Variants in PFKM observed in about 807,000 individuals in gnomAD.
PFKM encodes ATP-dependent 6-phosphofructokinase, muscle type.
Under a neutral mutation model 95.5 loss-of-function variants are expected in PFKM, and 58 were observed. The ratio of observed to expected loss-of-function variants is 0.61; its 90% CI spans 0.49 to 0.76. The LOEUF (loss-of-function observed/expected upper bound fraction) is 0.76, where lower values mean the gene tolerates loss of function less well. Ranked by LOEUF, PFKM falls within the 30% of genes least tolerant of loss-of-function variation. PFKM has a pLI of 0.00. For synonymous variants in PFKM, 336 were observed against 357.2 expected, an observed-to-expected ratio of 0.94 and a Z score of 0.67; for missense variants, 678 against 1,005.4, an observed-to-expected ratio of 0.67 and a Z score of 4.40.
chr12:48,112,551 A>C (rs1245994857), intron 3 of PFKM, among the ~76,000 whole-genome samples: 2 of 152,250 alleles, frequency 1.3e-5, no homozygotes, highest in African/African-American at 4.8e-5. Context: ...AGTCCAAGTG[A>C]AAGTGAAGTG....
chr12:48,130,312 G>T, intron 2 of PFKM, 51 bp from the exon 3 acceptor site: 1 of 1,166,178 alleles, frequency 8.6e-7, no homozygotes, highest in Non-Finnish European at 1.3e-6. Flanking sequence ...ATTCCAGGGC[G>T]CCTTTTCTTA....
chr12:48,109,895 G>A (rs140444383), intron 3 of PFKM, among the ~76,000 whole-genome samples: 3 of 152,104 alleles, frequency 2.0e-5, no homozygotes, highest in East Asian at 3.9e-4. Context: ...CCAAGAGAAT[G>A]TGTTGAGCAC....
upstream of PFKM, chr12:48,105,912 C>A (rs1279867062): frequency 3.1e-6 from 2 of 646,664 alleles, no homozygotes; most frequent in Non-Finnish European, 5.6e-6. Flanking sequence ...GCCGGCCCCA[C>A]AGTGCTCCCC....
chr12:48,132,277 G>T (rs1255723935), intron 4 of PFKM: 1 of 333,770 alleles, frequency 3.0e-6, no homozygotes, highest in Non-Finnish European at 5.8e-6. Flanking sequence ...TACCTCTCTT[G>T]GGGTATCTAT....
At position 48,130,422 on chromosome 12, in the gene PFKM, T is replaced by G; in HGVS notation, c.145T>G (p.Phe49Val). 1 of 1,612,740 alleles carries G rather than the reference T, an allele frequency of 6.2e-7. No homozygotes were observed. Among genetic ancestry groups the G allele is most frequent in the Non-Finnish European group, 8.5e-7 (1 of 1,178,676 alleles). ...RVGIFTGARVFFVHEGYQGLV... is the reference protein window; with the variant it reads ...RVGIFTGARVVFVHEGYQGLV... ...TGGTATCTTCACCGGTGCCCGTGTC[T>G]TCTTTGTCCATGAGGTTGGTTCTGT... The change falls in exon 3 of 23, where the codon TTC becomes GTC. Residue 49 changes from phenylalanine to valine, a missense_variant. By Grantham distance (50) the Phe-to-Val change is conservative (BLOSUM62 -1). Coordinates refer to ENST00000359794, the MANE Select transcript of PFKM (RefSeq NM_000289.6).
intron 1 of PFKM, chr12:48,106,533 A>C: frequency 4.1e-6 from 1 of 242,188 alleles, no homozygotes; most frequent in South Asian, 4.9e-5. Context: ...AGAATCACAG[A>C]ACGTTAGTGC....
chr12:48,119,851 GTCTGCATGAATT>G (rs1186078859), intron 1 of PFKM: 1 of 152,240 alleles, frequency 6.6e-6, no homozygotes, highest in Non-Finnish European at 1.5e-5. Context: ...TTATACATGA[GTCTGCATGAATT>G]TCTGTGTCCT....
intron 1 of PFKM, 158 bp from the exon 2 acceptor site, chr12:48,122,609 C>A (rs1948400537): frequency 6.8e-7 from 1 of 1,480,684 alleles, no homozygotes; most frequent in East Asian, 2.5e-5. Context: ...TGTGGCTTTC[C>A]TCTGGAAGAA....
chr12:48,135,915 CCA>C (rs1950039910), intron 10 of PFKM, among the ~76,000 whole-genome samples: 1 of 75,950 alleles, frequency 1.3e-5, no homozygotes, highest in African/African-American at 5.1e-5. Flanking sequence ...TTGAGACGCA[CCA>C]TTGCACTCGC....
chr12:48,113,736 C>T (rs1312871339), intron 3 of PFKM, among the ~76,000 whole-genome samples: 1 of 152,180 alleles, frequency 6.6e-6, no homozygotes, highest in East Asian at 1.9e-4. Context: ...TACGTTGCCT[C>T]TACTCTATTA....
chr12:48,142,568 A>T (rs887025916), intron 17 of PFKM, among the ~76,000 whole-genome samples: 2 of 152,062 alleles, frequency 1.3e-5, no homozygotes, highest in African/African-American at 4.8e-5. Context: ...AGCAGTAGAA[A>T]GGATAGGTAC....
At chr12:48,143,043 C>A in intron 18 of PFKM, 97 bp downstream of exon 18, 4 of 1,167,654 alleles carry the variant, frequency 3.4e-6, no homozygotes, top group Non-Finnish European at 5.0e-6. Context: ...GAGGACCGAG[C>A]TGATTGGTCT....
intron 13 of PFKM, 43 bp downstream of exon 13, chr12:48,139,955 T>C (rs1592782207): frequency 7.9e-7 from 1 of 1,263,086 alleles, no homozygotes; most frequent in Non-Finnish European, 1.2e-6. Context: ...TCCTTCTCCC[T>C]CCCCCAGTCT....
upstream of PFKM, chr12:48,118,516 GAA>G (rs1471697843): frequency 1.3e-6 from 2 of 1,524,256 alleles, no homozygotes; most frequent in Admixed American, 2.0e-5. Context: ...TAAGCAAGAG[GAA>G]GAGGGCAGTG....
At chr12:48,135,081 C>T (rs1403026809) in intron 9 of PFKM, 43 bp downstream of exon 9, 2 of 1,441,830 alleles carry the variant, frequency 1.4e-6, no homozygotes, top group Non-Finnish European at 2.0e-6. Context: ...ATCCATAGCC[C>T]ATTCCCTTCT....
chr12:48,145,673 A>G lies in PFKM; in HGVS notation c.2308A>G (p.Ile770Val), dbSNP rs950246136. 8.7e-6 allele frequency: 14 copies of G among 1,614,082 alleles called. No individual in the cohort carries two copies. In the Admixed American group the frequency reaches 1.2e-4, roughly 13 times the overall value. ...DTSDHAHLEHITRKRSGEAAV is the reference protein window; with the variant it reads ...DTSDHAHLEHVTRKRSGEAAV ...TTCAGACCATGCCCACCTGGAGCAC[A>G]TCACCCGGAAGCGGTCCGGGGAAGC... Residue 770 changes from isoleucine (I) to valine (V), a missense_variant, in exon 23 of 23, where the codon ATC (isoleucine) becomes GTC (valine). Coordinates refer to ENST00000359794, the MANE Select transcript of PFKM (RefSeq NM_000289.6). The surrounding 1 kb of genome is among the most constrained non-coding windows in gnomAD (Gnocchi z 4.3).
chr12:48,144,659 C>CA (rs1384514895), intron 20 of PFKM, among the ~76,000 whole-genome samples: 9 of 151,514 alleles, frequency 5.9e-5, no homozygotes, highest in Admixed American at 3.3e-4. Context: ...GATTGGGCCA[C>CA]AAAAAAAACA....
intron 15 of PFKM, 57 bp from the exon 16 acceptor site, chr12:48,141,683 T>C (rs371572711): frequency 1.5e-6 from 2 of 1,305,344 alleles, no homozygotes; most frequent in South Asian, 1.2e-5. Flanking sequence ...TCAATTTTCC[T>C]GTCTCTTCCC....
intron 10 of PFKM, 158 bp from the exon 11 acceptor site, chr12:48,137,563 G>A (rs927964207): frequency 1.3e-6 from 1 of 767,832 alleles, no homozygotes; most frequent in Non-Finnish European, 2.2e-6. Flanking sequence ...GATGAAATCT[G>A]TTTGGGGAGG....
Sources: gnomAD v4.1 joint callset for allele counts (sites outside exome capture counted in the v4.1 genomes callset) on GRCh38, gnomAD v4.1.1 for gene constraint, Gnocchi (gnomAD v3.1) non-coding constraint, MANE v1.5 for transcripts, NCBI Gene and HGNC (gene_info 2026-07-23, HGNC 2026-07-21) for gene names.